The following ST6GALNAC3 variants were observed in gnomAD, a reference collection of about 807,000 sequenced individuals.
ST6GALNAC3 encodes the protein ST6 N-acetylgalactosaminide alpha-2,6-sialyltransferase 3.
ST6GALNAC3 carries 25 observed loss-of-function variants against 32.7 expected under a neutral mutation model. The ratio of observed to expected loss-of-function variants is 0.76; its 90% CI spans 0.56 to 1.07. ST6GALNAC3 has a LOEUF of 1.07. Ranked by LOEUF, ST6GALNAC3 falls within the 50% of genes least tolerant of loss-of-function variation. The pLI is 0.00. For missense variants in ST6GALNAC3, 355 were observed against 382.4 expected (o/e 0.93, Z 0.60); for synonymous variants, 129 against 133.1 (o/e 0.97, Z 0.21).
intron 2 of ST6GALNAC3, among the ~76,000 whole-genome samples, chr1:76,344,540 A>G (rs1648331262): frequency 6.6e-6 from 1 of 152,076 alleles, no homozygotes; most frequent in Non-Finnish European, 1.5e-5. Context: ...TGTTTCATCC[A>G]TTTTGTTCAT....
Position 76,634,131 on chromosome 1 carries a change from C to T in ST6GALNAC3, c.*5325C>T, listed in dbSNP as rs894091200. Reference sequence around the variant, plus strand: ...AAAACCTCTTCTTTCTCCACAGATACATCTCTTTTTGTTCACGCCTTGAAG... The same window carrying T: ...AAAACCTCTTCTTTCTCCACAGATATATCTCTTTTTGTTCACGCCTTGAAG... On this transcript the variant is annotated 3_prime_UTR_variant, in exon 5 of 5. Coordinates refer to ENST00000328299, the MANE Select transcript of ST6GALNAC3 (RefSeq NM_152996.4). 1 of 984,340 alleles carries T rather than the reference C, an allele frequency of 1.0e-6. No homozygotes were observed. Among genetic ancestry groups the T allele is most frequent in the Non-Finnish European group, 1.2e-6 (1 of 829,472 alleles). 61.0% of individuals were successfully genotyped at this position (984,340 alleles called of 1,614,324 possible). A position where few individuals can be genotyped will look rare whatever the true frequency, so the allele number is the denominator to read the frequency against.
chr1:76,141,242 T>G (rs1650301125), intron 1 of ST6GALNAC3, among the ~76,000 whole-genome samples: 1 of 152,172 alleles, frequency 6.6e-6, no homozygotes, highest in Non-Finnish European at 1.5e-5. Flanking sequence ...ATTTTTGCTG[T>G]GGAGATAAGT....
intron 2 of ST6GALNAC3, among the ~76,000 whole-genome samples, chr1:76,402,464 C>T (rs948225603): frequency 2.6e-5 from 4 of 152,138 alleles, no homozygotes; most frequent in Non-Finnish European, 5.9e-5. Flanking sequence ...GACTATTTCT[C>T]AACTTCCAAC....
chr1:76,236,965 G>A (rs761278976), intron 1 of ST6GALNAC3, among the ~76,000 whole-genome samples: 7 of 152,110 alleles, frequency 4.6e-5, no homozygotes, highest in Non-Finnish European at 8.8e-5. Context: ...CCCTGAACCT[G>A]TGCTAGGAAT....
At chr1:76,533,887 C>G (rs1346201814) in intron 3 of ST6GALNAC3, among the ~76,000 whole-genome samples, 1 of 152,118 alleles carries the variant, frequency 6.6e-6, no homozygotes, top group Non-Finnish European at 1.5e-5. Context: ...TTTCCCCCTC[C>G]CTGCAGAGGC....
At chr1:76,087,715 G>A (rs1465322100) in intron 1 of ST6GALNAC3, among the ~76,000 whole-genome samples, 1 of 152,158 alleles carries the variant, frequency 6.6e-6, no homozygotes, top group East Asian at 1.9e-4. Flanking sequence ...TAGAAGAGGG[G>A]TTATACTTTG....
At chr1:76,468,564 C>T (rs566832650) in intron 3 of ST6GALNAC3, among the ~76,000 whole-genome samples, 5 of 152,070 alleles carry the variant, frequency 3.3e-5, no homozygotes, top group Admixed American at 6.6e-5. Flanking sequence ...ATGCTCAAGG[C>T]GGCCTTCACT....
chr1:76,428,829 C>T (rs901799488), intron 3 of ST6GALNAC3, among the ~76,000 whole-genome samples: 1 of 152,090 alleles, frequency 6.6e-6, no homozygotes, highest in Admixed American at 6.6e-5. Context: ...AGTTTAACAA[C>T]ATTTCTGCAC....
At chr1:76,131,259 T>G (rs893574734) in intron 1 of ST6GALNAC3, among the ~76,000 whole-genome samples, 4 of 152,206 alleles carry the variant, frequency 2.6e-5, no homozygotes, top group Non-Finnish European at 1.5e-5. Context: ...GTCCTCGCAT[T>G]GGTGATCGAG....
At chr1:76,287,575 G>A (rs1489136545) in intron 1 of ST6GALNAC3, among the ~76,000 whole-genome samples, 2 of 151,822 alleles carry the variant, frequency 1.3e-5, no homozygotes, top group Admixed American at 6.6e-5. Context: ...TGAGTACTCT[G>A]GTTTATATAG....
chr1:76,418,018 A>C (rs1340363221), intron 3 of ST6GALNAC3, among the ~76,000 whole-genome samples: 1 of 152,136 alleles, frequency 6.6e-6, no homozygotes, highest in Non-Finnish European at 1.5e-5. Context: ...CAAGATCTCT[A>C]CCTGGCTCAT....
At chr1:76,290,901 A>G (rs377045217) in intron 1 of ST6GALNAC3, among the ~76,000 whole-genome samples, 14 of 152,168 alleles carry the variant, frequency 9.2e-5, no homozygotes, top group East Asian at 5.8e-4. Flanking sequence ...GGGGATCCAC[A>G]CATACCTGTC....
chr1:76,281,945 C>A (rs1427815324), intron 1 of ST6GALNAC3, among the ~76,000 whole-genome samples: 1 of 151,938 alleles, frequency 6.6e-6, no homozygotes, highest in Non-Finnish European at 1.5e-5. Context: ...GCTCAACTGA[C>A]GATACCAGAG....
At chr1:76,478,438 C>A (rs1268648892) in intron 3 of ST6GALNAC3, among the ~76,000 whole-genome samples, 3 of 152,108 alleles carry the variant, frequency 2.0e-5, no homozygotes, top group African/African-American at 4.8e-5. Flanking sequence ...TCTGTTGACT[C>A]CCAGATTGAA....
chr1:76,192,822 A>G (rs188656809), intron 1 of ST6GALNAC3, among the ~76,000 whole-genome samples: 45 of 152,222 alleles, frequency 3.0e-4, no homozygotes, highest in African/African-American at 1.0e-3. Flanking sequence ...ACTGGTCTTT[A>G]CTTCTCTGAA....
chr1:76,126,272 T>G (rs569907388), intron 1 of ST6GALNAC3, among the ~76,000 whole-genome samples: 1 of 152,210 alleles, frequency 6.6e-6, no homozygotes, highest in Non-Finnish European at 1.5e-5. Context: ...CTATATTTAT[T>G]TCCCTCTTTC....
chr1:76,100,937 C>T (rs997800710), intron 1 of ST6GALNAC3, among the ~76,000 whole-genome samples: 6 of 151,990 alleles, frequency 3.9e-5, no homozygotes, highest in Non-Finnish European at 1.5e-5. Context: ...ACCCTTGCCC[C>T]ATCCGTGCAC....
intron 1 of ST6GALNAC3, among the ~76,000 whole-genome samples, chr1:76,252,122 G>A (rs1425162728): frequency 6.6e-6 from 1 of 152,124 alleles, no homozygotes; most frequent in Non-Finnish European, 1.5e-5. Flanking sequence ...ATTTAGTGAT[G>A]CAGAATTGCT....
intron 1 of ST6GALNAC3, among the ~76,000 whole-genome samples, chr1:76,287,605 GTTAA>G: frequency 6.6e-6 from 1 of 152,170 alleles, no homozygotes; most frequent in African/African-American, 2.4e-5. Flanking sequence ...GTAGCAGCAG[GTTAA>G]TTAAAGAATG....
Sources: gnomAD v4.1 joint callset for allele counts (sites outside exome capture counted in the v4.1 genomes callset) on GRCh38, gnomAD v4.1.1 for gene constraint, MANE v1.5 for transcripts, NCBI Gene and HGNC (gene_info 2026-07-23, HGNC 2026-07-21) for gene names.